ARID3B: variants seen among roughly 807,000 people sequenced by gnomAD.
ARID3B encodes the protein AT-rich interaction domain 3B.
A neutral mutation model predicts 51.9 loss-of-function variants in ARID3B; 10 were observed. The ratio of observed to expected loss-of-function variants is 0.19; its 90% confidence interval spans 0.12 to 0.33. The LOEUF (loss-of-function observed/expected upper bound fraction) is 0.33. ARID3B is among the 10% of genes least tolerant of loss of function. ARID3B has a pLI of 1.00. For synonymous variants in ARID3B, 205 were observed against 279.5 expected, an observed-to-expected ratio of 0.73 and a Z score of 2.66; for missense variants, 483 against 716.3, an observed-to-expected ratio of 0.67 and a Z score of 3.72.
Position 74,597,542 on chromosome 15 carries a change from C to T in ARID3B, c.*1768C>T, listed in dbSNP as rs1327712865. 21 of 535,792 alleles carry T rather than the reference C, an allele frequency of 3.9e-5. No individual in the cohort carries two copies. Among genetic ancestry groups the T allele is most frequent in the Non-Finnish European group, 6.1e-5 (17 of 276,810 alleles). 33.2% of individuals were successfully genotyped at this position (535,792 alleles called of 1,614,324 possible). Reference sequence around the variant, plus strand: ...ACACACACACACATACCCCATCTCCCGAGGGCTGACCTCCTCTGGCCTCAG... The same window carrying T: ...ACACACACACACATACCCCATCTCCTGAGGGCTGACCTCCTCTGGCCTCAG... On this transcript the variant is annotated 3_prime_UTR_variant, in exon 9 of 9. Coordinates refer to ENST00000346246, the MANE Select transcript of ARID3B (RefSeq NM_006465.4).
At chr15:74,576,926 G>C (rs2061740220) in intron 4 of ARID3B, among the ~76,000 whole-genome samples, 1 of 152,170 alleles carries the variant, frequency 6.6e-6, no homozygotes, top group Non-Finnish European at 1.5e-5. Flanking sequence ...CCAGAGCCAG[G>C]GGCCATCCTG....
intron 4 of ARID3B, among the ~76,000 whole-genome samples, chr15:74,578,109 C>T (rs531954445): frequency 1.3e-5 from 2 of 151,032 alleles, no homozygotes; most frequent in African/African-American, 2.4e-5. Flanking sequence ...CGCCTGCCTC[C>T]GACTCCCAAA....
At chr15:74,543,823 T>G (rs2061603483) in intron 1 of ARID3B, 37 bp from the exon 2 acceptor site, 2 of 1,388,554 alleles carry the variant, frequency 1.4e-6, no homozygotes, top group East Asian at 4.6e-5. Context: ...GGTTGTTTTT[T>G]CCCCCTCCTT....
In ARID3B at chr15:74,552,811, T is replaced by TA. The variant is rs1367651535; in HGVS notation, c.552+8324dup. On this transcript the variant is annotated intron_variant, in intron 2 of 8. Transcript: ENST00000346246. ...TGAATAATATTTTGTTTTCTGGACA[T>TA]ACCACAGTTTATCCATTCACCTCCT... 2.6e-5 allele frequency among the ~76,000 whole-genome samples: 4 copies of TA among 152,322 alleles called. No homozygotes were observed. In the East Asian group the frequency reaches 7.7e-4, roughly 29 times the overall value.
chr15:74,566,425 C>T (rs1414734680), intron 2 of ARID3B, among the ~76,000 whole-genome samples: 1 of 151,814 alleles, frequency 6.6e-6, no homozygotes, highest in Non-Finnish European at 1.5e-5. Flanking sequence ...CATGGTAAAA[C>T]CCGTCTCTAC....
Position 74,596,425 on chromosome 15 carries a change from G to T in ARID3B, c.*651G>T. On this transcript the variant is annotated 3_prime_UTR_variant, in exon 9 of 9. Transcript: ENST00000346246. The stretch of plus-strand genomic sequence containing the variant: ...GCAGTTCAGGGCCAGGGCCCACAGG[G>T]CATCTGCTGATGGGAAGGCAGAGCC... 4.3e-6 allele frequency: 1 copy of T among 233,552 alleles called. No homozygotes were observed. The highest frequency in any genetic ancestry group is 8.5e-6 in the Non-Finnish European group (1 of 117,946). 14.5% of individuals were successfully genotyped at this position (233,552 alleles called of 1,614,324 possible).
chr15:74,558,109 C>T (rs1343776748), intron 2 of ARID3B, among the ~76,000 whole-genome samples: 1 of 151,648 alleles, frequency 6.6e-6, no homozygotes, highest in African/African-American at 2.4e-5. Flanking sequence ...GCGTGAGCCA[C>T]GCGCCCGGCC....
chr15:74,582,843 T>G (rs568393596), intron 4 of ARID3B, among the ~76,000 whole-genome samples: 38 of 152,164 alleles, frequency 2.5e-4, no homozygotes, highest in African/African-American at 8.9e-4. Context: ...CCATCAGTAG[T>G]AGAATGGATA....
In ARID3B at chr15:74,597,264, C is replaced by T. The variant is rs1340757738; in HGVS notation, c.*1490C>T. The T allele has an allele frequency of 2.3e-5, 9 of 383,346 alleles. No individual in the cohort carries two copies. The highest frequency in any genetic ancestry group is 4.4e-5 in the Non-Finnish European group (9 of 205,550). 23.7% of individuals were successfully genotyped at this position (383,346 alleles called of 1,614,324 possible). A position where few individuals can be genotyped will look rare whatever the true frequency, so the allele number is the denominator to read the frequency against. On this transcript the variant is annotated 3_prime_UTR_variant, in exon 9 of 9. Coordinates refer to ENST00000346246, the MANE Select transcript of ARID3B (RefSeq NM_006465.4). ...GAAAATTGATTCGCTTGCGGCTCAC[C>T]TCAGTCGAGGAAGCCCTGGAATGTT... is the stretch of plus-strand genomic sequence containing the variant.
At chr15:74,585,631 A>C (rs1207045861) in intron 4 of ARID3B, among the ~76,000 whole-genome samples, 1 of 152,230 alleles carries the variant, frequency 6.6e-6, no homozygotes, top group African/African-American at 2.4e-5. Flanking sequence ...TAGACTTTAG[A>C]ACTGAAAATC....
intron 4 of ARID3B, chr15:74,573,746 C>CTT (rs111373349): frequency 9.6e-5 from 14 of 146,244 alleles, no homozygotes; most frequent in East Asian, 2.0e-4. Context: ...AGGCATCTGC[C>CTT]TTTTTTTTTT....
intron 2 of ARID3B, among the ~76,000 whole-genome samples, chr15:74,555,180 G>A (rs111595075): frequency 6.6e-6 from 1 of 152,036 alleles, no homozygotes; most frequent in African/African-American, 2.4e-5. Context: ...AAGTATCTGA[G>A]CCTTCAGCGA....
intron 2 of ARID3B, among the ~76,000 whole-genome samples, chr15:74,555,476 T>C (rs2061654133): frequency 6.6e-6 from 1 of 152,086 alleles, no homozygotes; most frequent in Non-Finnish European, 1.5e-5. Flanking sequence ...GCCACGGGCA[T>C]GTGTCACCAT....
intron 2 of ARID3B, among the ~76,000 whole-genome samples, chr15:74,570,718 C>CA (rs905871508): frequency 2.6e-5 from 4 of 152,136 alleles, no homozygotes; most frequent in African/African-American, 9.7e-5. Context: ...AATCACTGGG[C>CA]ATTAGGGCAA....
In ARID3B at chr15:74,580,008, T is replaced by C. The variant is rs537692284; in HGVS notation, c.697+6804T>C. Among the ~76,000 whole-genome samples the C allele has an allele frequency of 3.3e-5, 5 of 152,288 alleles. No homozygotes were observed. In the East Asian group the frequency reaches 7.7e-4, roughly 24 times the overall value. On this transcript the variant is annotated intron_variant, in intron 4 of 8. Transcript: ENST00000346246. ...GGGTTTGAGACCAGCCTGGCCACCA[T>C]GGTGAAACCCCATCTCTACTAAAAA...
chr15:74,545,083 T>C (rs1397682070), intron 2 of ARID3B, among the ~76,000 whole-genome samples: 1 of 152,214 alleles, frequency 6.6e-6, no homozygotes, highest in Non-Finnish European at 1.5e-5. Flanking sequence ...GTTGCAACAG[T>C]GTTGTGAGGA....
intron 2 of ARID3B, among the ~76,000 whole-genome samples, chr15:74,563,786 C>T (rs1399382016): frequency 6.6e-6 from 1 of 152,124 alleles, no homozygotes; most frequent in Non-Finnish European, 1.5e-5. Context: ...CTTGGCTGGG[C>T]CAGTTCATGC....
intron 2 of ARID3B, among the ~76,000 whole-genome samples, chr15:74,553,185 A>C (rs777662643): frequency 1.4e-4 from 22 of 152,222 alleles, no homozygotes; most frequent in Non-Finnish European, 2.5e-4. Context: ...GAAAGAAAGC[A>C]ATGTCATGTA....
intron 2 of ARID3B, among the ~76,000 whole-genome samples, chr15:74,560,222 A>G (rs888186120): frequency 2.0e-5 from 3 of 151,584 alleles, no homozygotes; most frequent in Admixed American, 2.0e-4. Context: ...AAAAATTTAT[A>G]TACAATTTTG....
Sources: allele counts gnomAD v4.1 joint callset (sites outside exome capture counted in the v4.1 genomes callset), GRCh38; gene constraint gnomAD v4.1.1; transcripts MANE v1.5; gene names NCBI Gene and HGNC (gene_info 2026-07-23, HGNC 2026-07-21).